Variants in ICA1 observed in about 807,000 individuals in gnomAD.
ICA1 encodes 69 kDa islet cell autoantigen.
In ICA1, 40 loss-of-function variants were observed where a neutral mutation model predicts 71.0. That is an observed-to-expected ratio of 0.56 (90% CI 0.44 to 0.73). ICA1 has a LOEUF of 0.73. ICA1 is among the 30% of genes least tolerant of loss of function. The probability of loss-of-function intolerance (pLI) is 0.00; values close to 1 mark genes in which losing one functional copy is unlikely to be tolerated. For synonymous variants in ICA1, 207 were observed against 209.5 expected (o/e 0.99, Z 0.10); for missense variants, 578 against 576.5 (o/e 1.00, Z -0.03).
chr7:8,260,922 T>C (rs755023712), intron 1 of ICA1, among the ~76,000 whole-genome samples: 4 of 152,142 alleles, frequency 2.6e-5, no homozygotes, highest in East Asian at 1.9e-4. Context: ...AGAAACCAAT[T>C]TGAGATTTTC....
intron 5 of ICA1, among the ~76,000 whole-genome samples, chr7:8,219,817 T>G (rs1460034123): frequency 6.6e-6 from 1 of 152,248 alleles, no homozygotes; most frequent in Non-Finnish European, 1.5e-5. Context: ...TCCTCAGCTA[T>G]CTCCCTAACT....
chr7:8,177,389 C>A (rs918566426), intron 6 of ICA1, among the ~76,000 whole-genome samples: 1 of 152,044 alleles, frequency 6.6e-6, no homozygotes, highest in Non-Finnish European at 1.5e-5. Flanking sequence ...AAACAGCTAA[C>A]TGGGTTCACT....
chr7:8,180,519 C>T (rs1781881577), intron 6 of ICA1, among the ~76,000 whole-genome samples: 1 of 152,090 alleles, frequency 6.6e-6, no homozygotes, highest in Non-Finnish European at 1.5e-5. Flanking sequence ...AACATTCATT[C>T]TCCTTGAGTA....
chr7:8,212,605 C>T (rs528872393), intron 6 of ICA1, among the ~76,000 whole-genome samples: 2 of 152,202 alleles, frequency 1.3e-5, no homozygotes, highest in East Asian at 3.9e-4. Context: ...AATGTTGCAG[C>T]TGGAAGAGGG....
At chr7:8,181,781 T>C (rs1282971775) in intron 6 of ICA1, among the ~76,000 whole-genome samples, 2 of 152,188 alleles carry the variant, frequency 1.3e-5, no homozygotes, top group African/African-American at 4.8e-5. Flanking sequence ...GAGGCATGAA[T>C]AGTATTCACA....
chr7:8,260,121 A>C (rs11973424), intron 1 of ICA1, among the ~76,000 whole-genome samples: 4 of 152,024 alleles, frequency 2.6e-5, no homozygotes, highest in Non-Finnish European at 4.4e-5. Flanking sequence ...CCTCTCTCGC[A>C]TGAGGTTTCT....
chr7:8,188,563 T>C (rs180927336), intron 6 of ICA1, among the ~76,000 whole-genome samples: 51 of 152,150 alleles, frequency 3.4e-4, no homozygotes, highest in African/African-American at 1.2e-3. Flanking sequence ...TAAAAGTGAG[T>C]GTGGAGTAAG....
At chr7:8,203,340 A>G (rs1790388371) in intron 6 of ICA1, among the ~76,000 whole-genome samples, 1 of 152,226 alleles carries the variant, frequency 6.6e-6, no homozygotes, top group African/African-American at 2.4e-5. Flanking sequence ...TCTATTAAAA[A>G]AAAAGTTAAG....
chr7:8,138,575 T>A (rs1794169050), intron 12 of ICA1, among the ~76,000 whole-genome samples: 1 of 152,234 alleles, frequency 6.6e-6, no homozygotes, highest in Non-Finnish European at 1.5e-5. Context: ...GCCATGTTTT[T>A]TCTACTACAG....
chr7:8,151,156 A>T (rs778295885), intron 8 of ICA1, among the ~76,000 whole-genome samples: 2 of 152,078 alleles, frequency 1.3e-5, no homozygotes, highest in Non-Finnish European at 2.9e-5. Flanking sequence ...ATTTCACCTC[A>T]CCCTTTGCAG....
intron 12 of ICA1, among the ~76,000 whole-genome samples, chr7:8,133,118 T>C (rs1049695862): frequency 6.6e-6 from 1 of 152,064 alleles, no homozygotes; most frequent in Admixed American, 6.5e-5. Context: ...GGGAGTGGGA[T>C]TGGTAGCTTC....
At chr7:8,204,402 G>T (rs1562985284) in intron 6 of ICA1, among the ~76,000 whole-genome samples, 2 of 152,216 alleles carry the variant, frequency 1.3e-5, no homozygotes, top group Admixed American at 6.5e-5. Context: ...ATGGGAAAAA[G>T]AATTCATACC....
chr7:8,233,827 TA>T (rs1466075922), intron 2 of ICA1, among the ~76,000 whole-genome samples: 2 of 152,214 alleles, frequency 1.3e-5, no homozygotes, highest in Non-Finnish European at 2.9e-5. Flanking sequence ...CTTCTGATGT[TA>T]AAAACTTTAA....
intron 6 of ICA1, among the ~76,000 whole-genome samples, chr7:8,185,740 T>C (rs1191281095): frequency 1.3e-5 from 2 of 152,242 alleles, no homozygotes; most frequent in African/African-American, 4.8e-5. Flanking sequence ...CAAGCCTTAA[T>C]TTCCAAATTA....
Position 8,237,058 on chromosome 7 carries a change from A to G in ICA1, c.-79-1053T>C, listed in dbSNP as rs930051316. On this transcript the variant is annotated intron_variant, in intron 1 of 13. Coordinates refer to ENST00000402384, the MANE Select transcript of ICA1 (RefSeq NM_001136020.3). ...GACAAAATTACGATGTGCAAATCCC[A>G]CGCTTCAGGTATGCAGACAAGAGAG... Among the ~76,000 whole-genome samples, 4 of 152,216 alleles carry G rather than the reference A, an allele frequency of 2.6e-5. No homozygotes were observed. The South Asian group carries it at 8.3e-4, about 32-fold the overall frequency.
chr7:8,179,820 T>G (rs1164769769), intron 6 of ICA1, among the ~76,000 whole-genome samples: 1 of 152,112 alleles, frequency 6.6e-6, no homozygotes, highest in Non-Finnish European at 1.5e-5. Context: ...GATATATGTA[T>G]GAAATGGTAA....
rs1216944011 is a variant in ICA1, at chr7:8,161,009, G to A, written c.580-2357C>T. 3.9e-5 allele frequency among the ~76,000 whole-genome samples: 6 copies of A among 152,206 alleles called. No homozygotes were observed. In the South Asian group the frequency reaches 1.0e-3, roughly 26 times the overall value. On this transcript the variant is annotated intron_variant, in intron 6 of 13. Transcript: ENST00000402384. The stretch of plus-strand genomic sequence containing the variant: ...ATCGGTTGCTCTGGCCAGGAAGGCC[G>A]CCTCAGCTGGGGTCCTGAAAGGCAT...
rs543717226 is a variant in ICA1 at position 8,129,409 on chromosome 7, T to A, written c.1061-1267A>T. ...AAAAAGTTCTCTGTGTTGGCTTTACTGGATCTATTTTCAATCACACTTTAC... is the reference window on the plus strand; with the variant it reads ...AAAAAGTTCTCTGTGTTGGCTTTACAGGATCTATTTTCAATCACACTTTAC... On this transcript the variant is annotated intron_variant, in intron 12 of 13. Transcript: ENST00000402384. 2.6e-5 allele frequency among the ~76,000 whole-genome samples: 4 copies of A among 152,044 alleles called. No homozygotes were observed. The East Asian group carries it at 7.7e-4, about 29-fold the overall frequency.
chr7:8,262,295 G>T (rs957941218), upstream of ICA1: 5 of 151,918 alleles, frequency 3.3e-5, no homozygotes, highest in Non-Finnish European at 5.9e-5. Context: ...GCGGCCGGGG[G>T]GTGCGGGCGC....
Sources: gnomAD v4.1 joint callset for allele counts (sites outside exome capture counted in the v4.1 genomes callset) on GRCh38, gnomAD v4.1.1 for gene constraint, MANE v1.5 for transcripts, NCBI Gene and HGNC (gene_info 2026-07-23, HGNC 2026-07-21) for gene names.